PLXDC2: variants seen among roughly 807,000 people sequenced by gnomAD.
The protein encoded by PLXDC2 is plexin domain containing 2.
Under a neutral mutation model 68.9 loss-of-function variants are expected in PLXDC2, and 40 were observed. The observed-to-expected ratio is 0.58, with a 90% CI of 0.45 to 0.76. The LOEUF (loss-of-function observed/expected upper bound fraction) is 0.76. PLXDC2 is among the 30% of genes least tolerant of loss of function. PLXDC2 has a pLI of 0.00. For missense variants in PLXDC2, 644 were observed against 661.9 expected, an observed-to-expected ratio of 0.97 and a Z score of 0.30; for synonymous variants, 243 against 234.2, an observed-to-expected ratio of 1.04 and a Z score of -0.34.
intron 1 of PLXDC2, among the ~76,000 whole-genome samples, chr10:19,991,264 A>C (rs1450990962): frequency 6.6e-6 from 1 of 150,778 alleles, no homozygotes; most frequent in Non-Finnish European, 1.5e-5. Context: ...AAAAAACAAC[A>C]ACTGTGATTC....
chr10:20,177,036 A>G lies in PLXDC2; in HGVS notation c.921A>G (p.Val307=). ...GAACAATTTATGAATACCACCGAGTAGAGCTACAAATGTCAAAAATTACCA... is the reference window on the plus strand; with the variant it reads ...GAACAATTTATGAATACCACCGAGTGGAGCTACAAATGTCAAAAATTACCA... ...RRRTIYEYHR[V]ELQMSKITNI... Residue 307 remains valine (V), a synonymous_variant, in exon 8 of 14, where the codon GTA becomes GTG. Coordinates refer to ENST00000377252, the MANE Select transcript of PLXDC2 (RefSeq NM_032812.9). The G allele has an allele frequency of 6.2e-7, 1 of 1,611,968 alleles. No individual in the cohort carries two copies. Among genetic ancestry groups the G allele is most frequent in the Non-Finnish European group, 8.5e-7 (1 of 1,179,038 alleles).
At chr10:20,035,669 C>T (rs1398435781) in intron 2 of PLXDC2, among the ~76,000 whole-genome samples, 1 of 151,928 alleles carries the variant, frequency 6.6e-6, no homozygotes, top group Admixed American at 6.6e-5. Flanking sequence ...GCACTCCAGC[C>T]TTGGTGACAG....
At chr10:19,854,688 G>T (rs1337738365) in intron 1 of PLXDC2, among the ~76,000 whole-genome samples, 1 of 152,142 alleles carries the variant, frequency 6.6e-6, no homozygotes, top group East Asian at 1.9e-4. Flanking sequence ...TGCAATTCCA[G>T]CCTAGCCTGG....
intron 1 of PLXDC2, among the ~76,000 whole-genome samples, chr10:19,987,709 C>T (rs910379450): frequency 4.7e-4 from 71 of 151,710 alleles, no homozygotes; most frequent in African/African-American, 1.6e-3. Flanking sequence ...CTATAGGCGC[C>T]CGCCACCACC....
chr10:20,151,388 A>G (rs1281538261), intron 6 of PLXDC2, among the ~76,000 whole-genome samples: 2 of 152,220 alleles, frequency 1.3e-5, no homozygotes, highest in Non-Finnish European at 2.9e-5. Context: ...GCGGTGGTAC[A>G]TAGAAGCTGT....
chr10:19,970,598 C>T (rs573390036), intron 1 of PLXDC2, among the ~76,000 whole-genome samples: 8 of 152,196 alleles, frequency 5.3e-5, no homozygotes, highest in East Asian at 3.9e-4. Context: ...TCTTGGCTTC[C>T]GATTTTTTTC....
intron 2 of PLXDC2, among the ~76,000 whole-genome samples, chr10:20,038,426 G>A (rs1351514519): frequency 3.3e-5 from 5 of 152,064 alleles, no homozygotes; most frequent in Admixed American, 6.6e-5. Flanking sequence ...ATGAGAGCTG[G>A]TGCAATAATC....
intron 1 of PLXDC2, among the ~76,000 whole-genome samples, chr10:19,942,733 C>A (rs1313793118): frequency 6.6e-6 from 1 of 152,172 alleles, no homozygotes; most frequent in African/African-American, 2.4e-5. Flanking sequence ...CACCACTGTA[C>A]TCCAACCTGA....
chr10:19,987,507 C>A (rs921637750), intron 1 of PLXDC2, among the ~76,000 whole-genome samples: 1 of 151,860 alleles, frequency 6.6e-6, no homozygotes, highest in Non-Finnish European at 1.5e-5. Flanking sequence ...CACTTGCCAT[C>A]CTTTTTTTAC....
chr10:19,835,705 G>A (rs180787283), intron 1 of PLXDC2, among the ~76,000 whole-genome samples: 50 of 152,296 alleles, frequency 3.3e-4, no homozygotes, highest in African/African-American at 1.2e-3. Flanking sequence ...TATAGGAGGA[G>A]CCACCTAGAG....
chr10:19,973,327 CAT>C (rs1491124316), intron 1 of PLXDC2, among the ~76,000 whole-genome samples: 5 of 135,768 alleles, frequency 3.7e-5, no homozygotes, highest in African/African-American at 8.9e-5. Flanking sequence ...TATATGTATA[CAT>C]ATATATGTGT....
chr10:20,218,937 A>G (rs1835174968), intron 11 of PLXDC2, 127 bp from the exon 12 acceptor site: 2 of 1,013,916 alleles, frequency 2.0e-6, no homozygotes, highest in Non-Finnish European at 1.4e-6. Context: ...AGAAATTACC[A>G]CAATAAATTA....
At chr10:20,251,602 C>A (rs1237648293) in intron 13 of PLXDC2, among the ~76,000 whole-genome samples, 1 of 151,978 alleles carries the variant, frequency 6.6e-6, no homozygotes, top group Non-Finnish European at 1.5e-5. Context: ...CTACACATAT[C>A]ACTATTCAAG....
chr10:20,183,795 T>A (rs191789567), intron 9 of PLXDC2, among the ~76,000 whole-genome samples: 3 of 152,010 alleles, frequency 2.0e-5, no homozygotes, highest in Non-Finnish European at 4.4e-5. Context: ...TACTATCCAC[T>A]GGGTTTTGTC....
At chr10:20,118,090 G>A (rs1204834317) in intron 4 of PLXDC2, among the ~76,000 whole-genome samples, 1 of 145,506 alleles carries the variant, frequency 6.9e-6, no homozygotes, top group East Asian at 2.0e-4. Flanking sequence ...GTATATACAT[G>A]CATCCATATA....
intron 4 of PLXDC2, among the ~76,000 whole-genome samples, chr10:20,112,641 G>A (rs1166200963): frequency 6.6e-6 from 1 of 152,172 alleles, no homozygotes; most frequent in Non-Finnish European, 1.5e-5. Flanking sequence ...ATAACACTTA[G>A]AGAGTTCTGC....
intron 1 of PLXDC2, among the ~76,000 whole-genome samples, chr10:19,954,689 C>A (rs919391770): frequency 5.9e-5 from 9 of 152,138 alleles, no homozygotes; most frequent in African/African-American, 2.2e-4. Context: ...TTAACTTAGA[C>A]TGATGTTTAA....
At chr10:20,217,200 A>G (rs975184974) in intron 10 of PLXDC2, among the ~76,000 whole-genome samples, 6 of 152,210 alleles carry the variant, frequency 3.9e-5, no homozygotes, top group Admixed American at 6.5e-5. Context: ...GATGAAACCT[A>G]AATATCTAAA....
intron 13 of PLXDC2, among the ~76,000 whole-genome samples, chr10:20,260,577 T>G (rs1835797007): frequency 6.6e-6 from 1 of 152,240 alleles, no homozygotes. Context: ...TGCCACATGT[T>G]GTGGTATCCA....
Sources: allele counts gnomAD v4.1 joint callset (sites outside exome capture counted in the v4.1 genomes callset), GRCh38; gene constraint gnomAD v4.1.1; transcripts MANE v1.5; gene names NCBI Gene and HGNC (gene_info 2026-07-23, HGNC 2026-07-21).